VPS13B: variants seen among roughly 807,000 people sequenced by gnomAD.
The protein encoded by VPS13B is vacuolar protein sorting 13 homolog B, also known as intermembrane lipid transfer protein VPS13B.
A neutral mutation model predicts 426.4 loss-of-function variants in VPS13B; 285 were observed. The observed-to-expected ratio is 0.67, with a 90% CI of 0.61 to 0.74. VPS13B has a LOEUF of 0.74. Ranked by LOEUF, VPS13B falls within the 30% of genes least tolerant of loss-of-function variation. VPS13B has a pLI of 0.00. For synonymous variants in VPS13B, 1,676 were observed against 1,676.4 expected, an observed-to-expected ratio of 1.00 and a Z score of 0.01; for missense variants, 4,537 against 4,782.6, an observed-to-expected ratio of 0.95 and a Z score of 1.51.
At chr8:99,121,504 G>A (rs774571737) in intron 8 of VPS13B, 59 bp downstream of exon 8, 3 of 1,603,916 alleles carry the variant, frequency 1.9e-6, no homozygotes, top group Admixed American at 3.4e-5. Context: ...AATTTGGATT[G>A]TTAGTACAAT....
chr8:99,152,534 T>G (rs1811128322), intron 14 of VPS13B, among the ~76,000 whole-genome samples: 1 of 152,226 alleles, frequency 6.6e-6, no homozygotes, highest in Admixed American at 6.5e-5. Context: ...TTCAATTATG[T>G]CCTTATTGAT....
At chr8:99,334,471 T>C (rs1489874412) in intron 19 of VPS13B, among the ~76,000 whole-genome samples, 2 of 152,106 alleles carry the variant, frequency 1.3e-5, no homozygotes, top group Admixed American at 1.3e-4. Flanking sequence ...GCCCATTCAG[T>C]ATGATATTGG....
intron 33 of VPS13B, among the ~76,000 whole-genome samples, chr8:99,602,690 G>A (rs1242935055): frequency 3.3e-5 from 5 of 151,538 alleles, no homozygotes; most frequent in Non-Finnish European, 7.4e-5. Context: ...CAAAGTCTCA[G>A]GATACAAAAT....
intron 14 of VPS13B, 102 bp from the exon 15 acceptor site, chr8:99,156,447 G>A: frequency 9.1e-7 from 1 of 1,094,100 alleles, no homozygotes; most frequent in Non-Finnish European, 1.4e-6. Flanking sequence ...AGATTGATTT[G>A]ATATCACTGC....
Position 99,174,239 on chromosome 8 carries a change from A to ATCTTTTAGCTATT in VPS13B, c.2333+4077_2333+4078insCTTTTAGCTATTT. Among the ~76,000 whole-genome samples, 5 of 152,340 alleles carry ATCTTTTAGCTATT rather than the reference A, an allele frequency of 3.3e-5. 1 individual carries two copies. The highest frequency in any genetic ancestry group is 1.2e-4 in the African/African-American group (5 of 41,578). On this transcript the variant is annotated intron_variant, in intron 16 of 61. Coordinates refer to ENST00000357162, the MANE Select transcript of VPS13B (RefSeq NM_152564.5). ...TGTTTATCCATTTATCCATTGACAA[A>ATCTTTTAGCTATT]TACCTCTCACCTTTTAGCTATTGTG...
intron 33 of VPS13B, among the ~76,000 whole-genome samples, chr8:99,636,625 T>C (rs984899239): frequency 6.6e-6 from 1 of 152,022 alleles, no homozygotes. Context: ...ACAGGTTCTG[T>C]GTGGAAGCAT....
chr8:99,017,187 G>T (rs1841668228), intron 2 of VPS13B, among the ~76,000 whole-genome samples: 1 of 152,060 alleles, frequency 6.6e-6, no homozygotes, highest in African/African-American at 2.4e-5. Flanking sequence ...AGTAATAGAG[G>T]TTAAGGTTAA....
chr8:99,339,344 C>T (rs1588268826), intron 19 of VPS13B, among the ~76,000 whole-genome samples: 1 of 151,556 alleles, frequency 6.6e-6, no homozygotes, highest in Admixed American at 6.6e-5. Context: ...CTAGGGAGGC[C>T]TCAGGAAGCT....
At chr8:99,634,760 A>G (rs996310905) in intron 33 of VPS13B, among the ~76,000 whole-genome samples, 11 of 151,922 alleles carry the variant, frequency 7.2e-5, no homozygotes, top group African/African-American at 2.7e-4. Flanking sequence ...TGGTGACACT[A>G]AAGGAGACAT....
intron 3 of VPS13B, chr8:99,093,781 G>T (rs962848840): frequency 6.6e-6 from 1 of 151,984 alleles, no homozygotes. Context: ...GTCTATCATT[G>T]TTGGACATTT....
chr8:99,771,685 T>C (rs1054111880), intron 40 of VPS13B, among the ~76,000 whole-genome samples: 1 of 152,236 alleles, frequency 6.6e-6, no homozygotes, highest in Non-Finnish European at 1.5e-5. Context: ...TTCTCTCTGC[T>C]GGTTGAACTC....
intron 43 of VPS13B, chr8:99,796,754 AC>A (rs1210960299): frequency 1.3e-5 from 2 of 152,258 alleles, no homozygotes; most frequent in Admixed American, 1.3e-4. Flanking sequence ...TGGGTGGTCT[AC>A]AATGGCCTCA....
At chr8:99,233,647 G>A in intron 17 of VPS13B, 1 of 944,812 alleles carries the variant, frequency 1.1e-6, no homozygotes, top group Non-Finnish European at 1.8e-6. Context: ...CACTGGCATA[G>A]GCCTCCACTG....
chr8:99,815,897 T>C (rs1362994674), intron 44 of VPS13B, among the ~76,000 whole-genome samples: 1 of 152,170 alleles, frequency 6.6e-6, no homozygotes, highest in Non-Finnish European at 1.5e-5. Context: ...AGTGGTGCAA[T>C]TACAGTTCAC....
intron 13 of VPS13B, among the ~76,000 whole-genome samples, chr8:99,145,499 C>T (rs924672949): frequency 6.7e-6 from 1 of 149,430 alleles, no homozygotes; most frequent in Non-Finnish European, 1.5e-5. Context: ...TAGGGATAAC[C>T]CCTGGAAACT....
chr8:99,163,639 G>A (rs370100176), intron 15 of VPS13B, among the ~76,000 whole-genome samples: 41 of 152,350 alleles, frequency 2.7e-4, no homozygotes, highest in African/African-American at 7.9e-4. Context: ...GCCACTGGCC[G>A]GGGTGCTAAG....
intron 17 of VPS13B, among the ~76,000 whole-genome samples, chr8:99,205,622 C>T (rs1470309648): frequency 6.6e-6 from 1 of 152,090 alleles, no homozygotes; most frequent in African/African-American, 2.4e-5. Context: ...ATTAAAGTTA[C>T]TTGGATAGAC....
At chr8:99,114,933 C>G (rs1010226722) in intron 6 of VPS13B, among the ~76,000 whole-genome samples, 1 of 152,112 alleles carries the variant, frequency 6.6e-6, no homozygotes, top group Non-Finnish European at 1.5e-5. Context: ...TGTTTATATT[C>G]CACTGATGTC....
At chr8:99,410,523 T>A (rs961618608) in intron 21 of VPS13B, among the ~76,000 whole-genome samples, 3 of 151,802 alleles carry the variant, frequency 2.0e-5, no homozygotes, top group Non-Finnish European at 4.4e-5. Flanking sequence ...TCAATCTTGC[T>A]GTGTTACCAG....
Sources: gnomAD v4.1 joint callset for allele counts (sites outside exome capture counted in the v4.1 genomes callset) on GRCh38, gnomAD v4.1.1 for gene constraint, MANE v1.5 for transcripts, NCBI Gene and HGNC (gene_info 2026-07-23, HGNC 2026-07-21) for gene names.